The following AGAP1 variants were observed in gnomAD, a reference collection of about 807,000 sequenced individuals.
AGAP1 encodes arf-GAP with GTPase, ANK repeat and PH domain-containing protein 1.
A neutral mutation model predicts 105.3 loss-of-function variants in AGAP1; 29 were observed. The observed-to-expected ratio is 0.28, with a 90% confidence interval of 0.21 to 0.38. The LOEUF is 0.38. AGAP1 is among the 10% of genes least tolerant of loss of function. The probability of loss-of-function intolerance (pLI) is 1.00; values close to 1 mark genes in which losing one functional copy is unlikely to be tolerated. For synonymous variants in AGAP1, 509 were observed against 485.9 expected, an observed-to-expected ratio of 1.05 and a Z score of -0.63; for missense variants, 998 against 1,165.1, an observed-to-expected ratio of 0.86 and a Z score of 2.09.
Position 235,882,575 on chromosome 2 carries a change from T to C in AGAP1, c.1051-770T>C. On this transcript the variant is annotated intron_variant, in intron 9 of 17. Coordinates refer to ENST00000304032, the MANE Select transcript of AGAP1 (RefSeq NM_001037131.3). This position sits in a 1 kb window ranked among gnomAD's most constrained non-coding sequence, Gnocchi z 4.6. ...GCCTCCTGGGTTCAAGCAATTCCCCTGCTCAGCCTCCCCGAGTAGCTGGGA... is the reference window on the plus strand; with the variant it reads ...GCCTCCTGGGTTCAAGCAATTCCCCCGCTCAGCCTCCCCGAGTAGCTGGGA... The C allele has an allele frequency of 1.7e-6, 1 of 599,532 alleles. No homozygotes were observed. The highest frequency in any genetic ancestry group is 3.8e-5 in the East Asian group (1 of 26,094). 37.1% of individuals were successfully genotyped at this position (599,532 alleles called of 1,614,324 possible).
intron 8 of AGAP1, among the ~76,000 whole-genome samples, chr2:235,802,962 GTGATGA>G (rs1445841099): frequency 1.1e-5 from 1 of 91,444 alleles, no homozygotes; most frequent in Non-Finnish European, 2.4e-5. Flanking sequence ...GATGATGGTT[GTGATGA>G]TGGTTGTGGT....
intron 1 of AGAP1, among the ~76,000 whole-genome samples, chr2:235,684,673 G>A (rs1575121948): frequency 6.6e-6 from 1 of 152,156 alleles, no homozygotes. Context: ...TAGATGGGAA[G>A]CTGCTGCAAA....
At chr2:235,778,410 C>T (rs1956043653) in intron 6 of AGAP1, among the ~76,000 whole-genome samples, 4 of 152,228 alleles carry the variant, frequency 2.6e-5, no homozygotes, top group Non-Finnish European at 5.9e-5. Flanking sequence ...CAGACCACCA[C>T]TGTGCTGTGG....
intron 7 of AGAP1, 79 bp downstream of exon 7, chr2:235,797,965 T>A: frequency 6.6e-7 from 1 of 1,516,298 alleles, no homozygotes; most frequent in Non-Finnish European, 8.9e-7. Flanking sequence ...AATGCTAAGG[T>A]TGATTTTTTT....
chr2:235,622,781 G>A lies in AGAP1; in HGVS notation c.164-86398G>A, dbSNP rs556933930. Among the ~76,000 whole-genome samples, 30 of 152,108 alleles carry A rather than the reference G, an allele frequency of 2.0e-4. No individual in the cohort carries two copies. In the South Asian group the frequency reaches 5.4e-3, roughly 28 times the overall value. The stretch of plus-strand genomic sequence containing the variant: ...TAGCGCTAAGCCATTTTCCCAGGCC[G>A]GGTTATGCAGTGAGACTTCAGGGCA... On this transcript the variant is annotated intron_variant, in intron 1 of 17. Coordinates refer to ENST00000304032, the MANE Select transcript of AGAP1 (RefSeq NM_001037131.3). This position sits in a 1 kb window ranked among gnomAD's most constrained non-coding sequence, Gnocchi z 5.0.
intron 1 of AGAP1, among the ~76,000 whole-genome samples, chr2:235,683,650 G>A (rs1399395855): frequency 6.6e-6 from 1 of 151,720 alleles, no homozygotes; most frequent in Non-Finnish European, 1.5e-5. Context: ...CAGGAGTCCA[G>A]CTTGCTCTCC....
At chr2:235,767,846 G>A (rs1459545676) in intron 6 of AGAP1, among the ~76,000 whole-genome samples, 6 of 141,800 alleles carry the variant, frequency 4.2e-5, no homozygotes, top group Admixed American at 7.6e-5. Context: ...GTACAGTGGC[G>A]TGATTTGGAC....
In AGAP1 at chr2:235,750,223, A is replaced by G. The variant is rs1296684216; in HGVS notation, c.539-131A>G. The G allele has an allele frequency of 6.0e-6, 8 of 1,328,878 alleles. No individual in the cohort carries two copies. The highest frequency in any genetic ancestry group is 8.4e-6 in the Non-Finnish European group (8 of 954,168). 82.3% of individuals were successfully genotyped at this position (1,328,878 alleles called of 1,614,324 possible). A position where few individuals can be genotyped will look rare whatever the true frequency, so the allele number is the denominator to read the frequency against. ...TTAGTTGGGAGGCAAACGATGCTCT[A>G]CAATTCCAGATTCATAAACTAATTA... On this transcript the variant is annotated intron_variant, in intron 5 of 17. Coordinates refer to ENST00000304032, the MANE Select transcript of AGAP1 (RefSeq NM_001037131.3). This position sits in a 1 kb window ranked among gnomAD's most constrained non-coding sequence, Gnocchi z 5.3.
intron 16 of AGAP1, among the ~76,000 whole-genome samples, chr2:236,067,194 C>T (rs148348399): frequency 7.2e-5 from 11 of 152,150 alleles, no homozygotes; most frequent in Non-Finnish European, 1.5e-4. Flanking sequence ...GATGTTCACC[C>T]TCACTGTGCC....
chr2:235,741,031 G>A lies in AGAP1; in HGVS notation c.379G>A (p.Gly127Ser). Residue 127 changes from glycine to serine, a missense_variant, in exon 4 of 18, where the codon GGC (glycine) becomes AGC (serine). Gly to Ser is a moderately conservative substitution (Grantham distance 56). Coordinates refer to ENST00000304032, the MANE Select transcript of AGAP1 (RefSeq NM_001037131.3). The surrounding 1 kb of genome is among the most constrained non-coding windows in gnomAD (Gnocchi z 4.9). ...TCTGCTGCTGATCAGAGATGAAGGG[G>A]GCCCCCCGGAGGCGCAGGTGAGTAT... Reference protein sequence around the residue: ...SYLLLIRDEGGPPEAQFAMWV... With the variant: ...SYLLLIRDEGSPPEAQFAMWV... The A allele has an allele frequency of 1.2e-6, 2 of 1,614,030 alleles. No individual in the cohort carries two copies. Among genetic ancestry groups the A allele is most frequent in the Non-Finnish European group, 1.7e-6 (2 of 1,179,922 alleles).
intron 1 of AGAP1, among the ~76,000 whole-genome samples, chr2:235,573,042 CTTCTTCTTCTTCTTCTTCT>C (rs1363104886): frequency 0.11 from 2,204 of 20,398 alleles, 37 homozygotes; most frequent in East Asian, 0.23. Flanking sequence ...TCTTCTTCTT[CTTCTTCTTCTTCTTCTTCT>C]TTCTTCTTTC....
chr2:235,985,613 T>A (rs2055280408), intron 13 of AGAP1, among the ~76,000 whole-genome samples: 2 of 152,230 alleles, frequency 1.3e-5, no homozygotes, highest in African/African-American at 4.8e-5. Context: ...TAATCTTGGG[T>A]TAATTTTTGT....
chr2:235,835,984 T>A (rs6752633), intron 9 of AGAP1, among the ~76,000 whole-genome samples: 164 of 152,332 alleles, frequency 1.1e-3, no homozygotes, highest in African/African-American at 3.7e-3. Flanking sequence ...TAAATTCATT[T>A]AGATTTATAA....
chr2:235,903,316 T>G (rs1460116939), intron 10 of AGAP1, among the ~76,000 whole-genome samples: 1 of 152,230 alleles, frequency 6.6e-6, no homozygotes, highest in Admixed American at 6.5e-5. Flanking sequence ...GTATGCTGAT[T>G]ACATTTTCTA....
At chr2:235,661,566 A>G (rs1183337386) in intron 1 of AGAP1, among the ~76,000 whole-genome samples, 1 of 152,134 alleles carries the variant, frequency 6.6e-6, no homozygotes, top group Non-Finnish European at 1.5e-5. Flanking sequence ...AAGCAGCCCC[A>G]GCACATGTGC....
intron 13 of AGAP1, among the ~76,000 whole-genome samples, chr2:236,004,623 T>C (rs891963281): frequency 1.3e-5 from 2 of 152,236 alleles, no homozygotes; most frequent in Admixed American, 6.5e-5. Context: ...AGAACTGGCA[T>C]TGGTAAATTA....
rs962161710 is a variant in AGAP1, at chr2:235,740,361, C to T, written c.311-602C>T. ...GTGGTCTCTAACGCCTCCTGTCAGC[C>T]GCTGCTCTGCTGTCTCCACCCGTGC... On this transcript the variant is annotated intron_variant, in intron 3 of 17. Coordinates refer to ENST00000304032, the MANE Select transcript of AGAP1 (RefSeq NM_001037131.3). The surrounding 1 kb of genome is among the most constrained non-coding windows in gnomAD (Gnocchi z 5.7). Among the ~76,000 whole-genome samples, 3 of 152,164 alleles carry T rather than the reference C, an allele frequency of 2.0e-5. No individual in the cohort carries two copies. The highest frequency in any genetic ancestry group is 7.2e-5 in the African/African-American group (3 of 41,436).
rs1944790225 is a variant in AGAP1 at position 235,577,935 on chromosome 2, A to G, written c.163+83086A>G. On this transcript the variant is annotated intron_variant, in intron 1 of 17. Coordinates refer to ENST00000304032, the MANE Select transcript of AGAP1 (RefSeq NM_001037131.3). The surrounding 1 kb of genome is among the most constrained non-coding windows in gnomAD (Gnocchi z 4.5). ...GCGGGGCTGTTTGTTGAGGCTCCTG[A>G]TGCAGACAAGGGAGCAGTGTCTGCA... 6.6e-6 allele frequency among the ~76,000 whole-genome samples: 1 copy of G among 152,036 alleles called. No individual in the cohort carries two copies. The highest frequency in any genetic ancestry group is 2.1e-4 in the South Asian group (1 of 4,820).
At chr2:236,057,289 A>G (rs988353291) in intron 16 of AGAP1, among the ~76,000 whole-genome samples, 20 of 152,162 alleles carry the variant, frequency 1.3e-4, no homozygotes, top group Non-Finnish European at 2.9e-4. Context: ...TTGTATTTTT[A>G]GTAGAGACAG....
Sources: gnomAD v4.1 joint callset for allele counts (sites outside exome capture counted in the v4.1 genomes callset) on GRCh38, gnomAD v4.1.1 for gene constraint, Gnocchi (gnomAD v3.1) non-coding constraint, MANE v1.5 for transcripts, NCBI Gene and HGNC (gene_info 2026-07-23, HGNC 2026-07-21) for gene names.